The following DLGAP2 variants were observed in gnomAD, a reference collection of about 807,000 sequenced individuals.
DLGAP2 encodes the protein DLG associated protein 2.
Under a neutral mutation model 100.3 loss-of-function variants are expected in DLGAP2, and 26 were observed. The observed-to-expected ratio is 0.26, with a 90% CI of 0.19 to 0.36. The LOEUF (loss-of-function observed/expected upper bound fraction) is 0.36. Ranked by LOEUF, DLGAP2 falls within the 10% of genes least tolerant of loss-of-function variation. DLGAP2 has a pLI of 1.00. For missense variants in DLGAP2, 1,858 were observed against 1,453.2 expected, an observed-to-expected ratio of 1.28 and a Z score of -4.53; for synonymous variants, 886 against 630.1, an observed-to-expected ratio of 1.41 and a Z score of -6.08.
rs769278173 is a variant in DLGAP2 at position 1,253,402 on chromosome 8, G to A, written c.74-5449G>A. 5.3e-4 allele frequency among the ~76,000 whole-genome samples: 81 copies of A among 152,322 alleles called. 1 individual carries two copies. Among genetic ancestry groups the A allele is most frequent in the Non-Finnish European group, 9.6e-4 (65 of 68,034 alleles). Reference sequence around the variant, plus strand: ...AGGGAGGGCGGGTGCTGCGGAGGCCGACTCCATGCAGAAGCCAGAGATAGC... The same window carrying A: ...AGGGAGGGCGGGTGCTGCGGAGGCCAACTCCATGCAGAAGCCAGAGATAGC... On this transcript the variant is annotated intron_variant, in intron 2 of 14. Transcript: ENST00000637795.
At chr8:1,467,364 G>GC (rs1282419420) in intron 3 of DLGAP2, among the ~76,000 whole-genome samples, 8 of 150,692 alleles carry the variant, frequency 5.3e-5, no homozygotes, top group Non-Finnish European at 8.9e-5. Flanking sequence ...CCCATTCACG[G>GC]CCCCCCACAG....
At chr8:747,180 C>A (rs957915454) in intron 1 of DLGAP2, among the ~76,000 whole-genome samples, 1 of 152,078 alleles carries the variant, frequency 6.6e-6, no homozygotes, top group African/African-American at 2.4e-5. Context: ...GGGCACTGCC[C>A]CGCCTCTGAC....
At chr8:1,594,650 C>T (rs889289747) in intron 6 of DLGAP2, among the ~76,000 whole-genome samples, 1 of 152,134 alleles carries the variant, frequency 6.6e-6, no homozygotes, top group Non-Finnish European at 1.5e-5. Flanking sequence ...TCCTGAACTC[C>T]TGACCTCAAG....
At chr8:1,025,083 T>C (rs993008629) in intron 2 of DLGAP2, among the ~76,000 whole-genome samples, 5 of 152,008 alleles carry the variant, frequency 3.3e-5, no homozygotes, top group South Asian at 4.2e-4. Context: ...CATGTGTGTG[T>C]GCGCGTGTAT....
intron 2 of DLGAP2, among the ~76,000 whole-genome samples, chr8:1,241,358 C>G (rs1198903295): frequency 6.9e-6 from 1 of 145,798 alleles, no homozygotes; most frequent in African/African-American, 2.8e-5. Flanking sequence ...GGCGCCGTGT[C>G]TAGTTCTCTC....
chr8:810,427 G>A (rs968780005), intron 1 of DLGAP2, among the ~76,000 whole-genome samples: 4 of 152,180 alleles, frequency 2.6e-5, no homozygotes, highest in African/African-American at 9.7e-5. Flanking sequence ...TAAAACAATA[G>A]CAGATATGAA....
At chr8:1,576,567 G>A (rs904090761) in intron 6 of DLGAP2, among the ~76,000 whole-genome samples, 7 of 152,202 alleles carry the variant, frequency 4.6e-5, no homozygotes, top group Admixed American at 1.3e-4. Flanking sequence ...GAATGATAAT[G>A]CCTAGGTTTT....
intron 2 of DLGAP2, among the ~76,000 whole-genome samples, chr8:1,236,921 T>A (rs1237578491): frequency 3.8e-5 from 3 of 79,992 alleles, no homozygotes; most frequent in East Asian, 9.0e-4. Flanking sequence ...TCTCACATGG[T>A]GCCGTGTCTA....
chr8:1,099,078 G>C (rs948155968), intron 2 of DLGAP2, among the ~76,000 whole-genome samples: 66 of 152,260 alleles, frequency 4.3e-4, no homozygotes, highest in African/African-American at 1.5e-3. Context: ...ATTTCAAAGA[G>C]ATTCTTTGAA....
intron 3 of DLGAP2, among the ~76,000 whole-genome samples, chr8:1,292,708 A>G (rs1051037875): frequency 6.6e-6 from 1 of 152,038 alleles, no homozygotes; most frequent in South Asian, 2.1e-4. Context: ...ATGGGGCTTT[A>G]CTTTTCTTCT....
At chr8:1,159,038 C>T (rs141263297) in intron 2 of DLGAP2, among the ~76,000 whole-genome samples, 5 of 152,248 alleles carry the variant, frequency 3.3e-5, no homozygotes, top group Non-Finnish European at 5.9e-5. Flanking sequence ...TTGTTAACCT[C>T]GATGTCAGTG....
chr8:1,671,353 C>G (rs891957059), intron 10 of DLGAP2, among the ~76,000 whole-genome samples: 9 of 152,252 alleles, frequency 5.9e-5, no homozygotes, highest in African/African-American at 2.2e-4. Context: ...ATGGGACTGG[C>G]TTCCGGGACC....
chr8:1,215,350 G>A (rs73542182), intron 2 of DLGAP2, among the ~76,000 whole-genome samples: 1 of 146,254 alleles, frequency 6.8e-6, no homozygotes, highest in Non-Finnish European at 1.5e-5. Context: ...CTGGTTGAGA[G>A]CTGAGATCTA....
intron 4 of DLGAP2, among the ~76,000 whole-genome samples, chr8:1,505,495 C>T (rs1799875066): frequency 6.6e-6 from 1 of 152,222 alleles, no homozygotes; most frequent in Admixed American, 6.5e-5. Flanking sequence ...AAACCGCCCA[C>T]ACTTGTGTTA....
intron 13 of DLGAP2, among the ~76,000 whole-genome samples, chr8:1,693,046 C>CGT (rs1799294164): frequency 6.8e-6 from 1 of 147,400 alleles, no homozygotes; most frequent in African/African-American, 2.5e-5. Context: ...TATATATAAA[C>CGT]ATATATAGGT....
rs373323923 is a variant in DLGAP2 at position 1,444,581 on chromosome 8, C to T, written c.107-56785C>T. On this transcript the variant is annotated intron_variant, in intron 3 of 14. Coordinates refer to ENST00000637795, the MANE Select transcript of DLGAP2 (RefSeq NM_001346810.2). The stretch of plus-strand genomic sequence containing the variant: ...TTCAAAGAGCACATTGACAATGCTC[C>T]GTGATTCCGAGAACCCTCCCTCCAC... 6.6e-5 allele frequency among the ~76,000 whole-genome samples: 10 copies of T among 152,050 alleles called. No individual in the cohort carries two copies. The East Asian group carries it at 1.2e-3, about 18-fold the overall frequency.
At chr8:817,952 T>G (rs1796515771) in intron 1 of DLGAP2, among the ~76,000 whole-genome samples, 1 of 152,152 alleles carries the variant, frequency 6.6e-6, no homozygotes, top group Admixed American at 6.5e-5. Context: ...GAGGTGGTGC[T>G]TTCAAGAGTG....
intron 2 of DLGAP2, among the ~76,000 whole-genome samples, chr8:1,118,904 G>A (rs1170838895): frequency 6.6e-6 from 1 of 152,166 alleles, no homozygotes; most frequent in Non-Finnish European, 1.5e-5. Context: ...ATGGGACTAG[G>A]TGAGTGTTAT....
At chr8:1,651,944 T>C (rs540393983) in intron 8 of DLGAP2, among the ~76,000 whole-genome samples, 36 of 152,312 alleles carry the variant, frequency 2.4e-4, no homozygotes, top group African/African-American at 7.7e-4. Context: ...ACTCAGAGCC[T>C]CGTCAGAGCC....
Sources: gnomAD v4.1 joint callset for allele counts (sites outside exome capture counted in the v4.1 genomes callset) on GRCh38, gnomAD v4.1.1 for gene constraint, MANE v1.5 for transcripts, NCBI Gene and HGNC (gene_info 2026-07-23, HGNC 2026-07-21) for gene names.